TRAF7: variants seen among roughly 807,000 people sequenced by gnomAD.
TRAF7 encodes E3 ubiquitin-protein ligase TRAF7.
Under a neutral mutation model 89.3 loss-of-function variants are expected in TRAF7, and 45 were observed. The observed-to-expected ratio is 0.50, with a 90% CI of 0.40 to 0.65. TRAF7 has a LOEUF of 0.65. Among genes scored for constraint, TRAF7 ranks in the 30% least tolerant of loss-of-function variants. The pLI, the probability that TRAF7 is intolerant of heterozygous loss-of-function variation, is 0.00. For synonymous variants in TRAF7, 406 were observed against 369.2 expected, an observed-to-expected ratio of 1.10 and a Z score of -1.14; for missense variants, 677 against 918.1, an observed-to-expected ratio of 0.74 and a Z score of 3.39.
intron 2 of TRAF7, 152 bp downstream of exon 2, chr16:2,164,153 T>TGA (rs1567247233): frequency 3.6e-6 from 2 of 553,522 alleles, no homozygotes; most frequent in Admixed American, 3.6e-5. Flanking sequence ...TGTGTGTGTG[T>TGA]GTGTGTGCGC....
At chr16:2,172,622 T>TGGGGGGGGGGGGGGGGGGG in intron 9 of TRAF7, 23 bp downstream of exon 9, 2 of 752,232 alleles carry the variant, frequency 2.7e-6, no homozygotes, top group African/African-American at 1.9e-5. Flanking sequence ...CGGGCGGGGG[T>TGGGGGGGGGGGGGGGGGGG]GGGCCGGGGT....
intron 1 of TRAF7, among the ~76,000 whole-genome samples, chr16:2,157,361 A>T (rs1291702520): frequency 2.6e-5 from 4 of 151,766 alleles, no homozygotes; most frequent in African/African-American, 9.7e-5. Flanking sequence ...CCCCAACCTG[A>T]GGGTCTCTGG....
In TRAF7 at chr16:2,168,115, CCCT is replaced by C. The variant is rs746600314; in HGVS notation, c.187_189del (p.Ser64del). 3.0e-5 allele frequency: 48 copies of C among 1,612,240 alleles called. No homozygotes were observed. The highest frequency in any genetic ancestry group is 8.0e-5 in the African/African-American group (6 of 74,898). On this transcript the variant is annotated inframe_deletion, in exon 4 of 21. Transcript: ENST00000326181. This position sits in a 1 kb window ranked among gnomAD's most constrained non-coding sequence, Gnocchi z 4.1. ...CACCTACAAGCAGCACTGCAGGACA[CCCT>C]CCTCCTCCAGCACCCTTGCCTACTC...
At position 2,175,093 on chromosome 16, in the gene TRAF7, T is replaced by C. The variant is rs373341161; in HGVS notation, c.1347-18T>C. The C allele has an allele frequency of 6.2e-7, 1 of 1,613,742 alleles. No individual in the cohort carries two copies. The highest frequency in any genetic ancestry group is 8.5e-7 in the Non-Finnish European group (1 of 1,179,900). On this transcript the variant is annotated intron_variant, in intron 14 of 20. Transcript: ENST00000326181. ...ACACAGCTTCTCCCACCTTGACACA[T>C]TGTCTCTGCTTCCCCAGGTGCAAAC...
intron 2 of TRAF7, among the ~76,000 whole-genome samples, chr16:2,164,767 G>A (rs1318749373): frequency 9.7e-6 from 1 of 103,568 alleles, no homozygotes; most frequent in African/African-American, 4.1e-5. Context: ...TGGCCTGGTC[G>A]CATGGTTAAG....
rs375914676 is a variant in TRAF7 at position 2,173,775 on chromosome 16, C to T, written c.1087-13C>T. Reference sequence around the variant, plus strand: ...CTGCCCACCTGCCCTCTGCCCTGCCCTTGGCCCTGCAGGACGAGCTGTCCC... The same window carrying T: ...CTGCCCACCTGCCCTCTGCCCTGCCTTTGGCCCTGCAGGACGAGCTGTCCC... On this transcript the variant is annotated splice_polypyrimidine_tract_variant and intron_variant, in intron 11 of 20. Coordinates refer to ENST00000326181, the MANE Select transcript of TRAF7 (RefSeq NM_032271.3). 1 of 1,610,360 alleles carries T rather than the reference C, an allele frequency of 6.2e-7. No individual in the cohort carries two copies. Among genetic ancestry groups the T allele is most frequent in the African/African-American group, 1.3e-5 (1 of 74,966 alleles).
intron 4 of TRAF7, among the ~76,000 whole-genome samples, chr16:2,169,644 C>G (rs563963136): frequency 1.3e-5 from 2 of 152,300 alleles, no homozygotes; most frequent in Admixed American, 6.5e-5. Context: ...GTTCCCGTGC[C>G]AGCTCCTGCT....
intron 2 of TRAF7, among the ~76,000 whole-genome samples, chr16:2,165,167 T>C (rs1473699093): frequency 9.7e-5 from 12 of 123,498 alleles, no homozygotes; most frequent in East Asian, 8.0e-4. Context: ...CTGCGTGGCC[T>C]GGCCTGGTCG....
chr16:2,175,222 C>G (rs377190585), intron 15 of TRAF7, 72 bp downstream of exon 15: 1 of 1,612,268 alleles, frequency 6.2e-7, no homozygotes, highest in Admixed American at 1.7e-5. Context: ...GCCCCAGGGA[C>G]GTGTTTCTCC....
chr16:2,173,859 T>TGGCCGCCCCCCCCC, intron 12 of TRAF7, 23 bp downstream of exon 12: 1 of 1,246,254 alleles, frequency 8.0e-7, no homozygotes, highest in Non-Finnish European at 1.1e-6. Context: ...CCGCCGTGGC[T>TGGCCGCCCCCCCCC]CCCGCCCACC....
In TRAF7 at chr16:2,159,785, A is replaced by C. The variant is rs1159574021; in HGVS notation, c.-39+3927A>C. Among the ~76,000 whole-genome samples the C allele has an allele frequency of 1.3e-5, 2 of 152,156 alleles. No homozygotes were observed. The highest frequency in any genetic ancestry group is 3.8e-4 in the East Asian group (2 of 5,196). Reference sequence around the variant, plus strand: ...CCCCACACATGTTCAGGGGACCCCCACACCCCACCTGCTCCGGGTTGCTGG... The same window carrying C: ...CCCCACACATGTTCAGGGGACCCCCCCACCCCACCTGCTCCGGGTTGCTGG... On this transcript the variant is annotated intron_variant, in intron 1 of 20. Transcript: ENST00000326181. This position sits in a 1 kb window ranked among gnomAD's most constrained non-coding sequence, Gnocchi z 6.5.
intron 1 of TRAF7, among the ~76,000 whole-genome samples, 157 bp downstream of exon 1, chr16:2,156,015 G>T (rs1445341955): frequency 6.6e-6 from 1 of 151,294 alleles, no homozygotes; most frequent in Non-Finnish European, 1.5e-5. Flanking sequence ...TCGGGGTCGG[G>T]GTCAGGGTCG....
chr16:2,170,574 C>G (rs186167299), intron 4 of TRAF7, 40 bp from the exon 5 acceptor site: 1 of 1,519,236 alleles, frequency 6.6e-7, no homozygotes, highest in Non-Finnish European at 9.1e-7. Flanking sequence ...GCTCTGACCC[C>G]GTGCGGAGCC....
rs954483137 is a variant in TRAF7 at position 2,177,411 on chromosome 16, G to A, written c.*837G>A. The A allele has an allele frequency of 8.6e-6, 2 of 232,628 alleles. No homozygotes were observed. The highest frequency in any genetic ancestry group is 1.7e-5 in the Non-Finnish European group (2 of 117,690). The allele number at this position is 232,628 out of a possible 1,614,324, so 14.4% of individuals were successfully genotyped here. A position where few individuals can be genotyped will look rare whatever the true frequency, so the allele number is the denominator to read the frequency against. On this transcript the variant is annotated 3_prime_UTR_variant, in exon 21 of 21. Transcript: ENST00000326181. Reference sequence around the variant, plus strand: ...CCCCACACCACAATCGCTGGTTTTCGGCATTTTTTAAATTTTTTTTTTAAG... The same window carrying A: ...CCCCACACCACAATCGCTGGTTTTCAGCATTTTTTAAATTTTTTTTTTAAG...
At chr16:2,164,145 T>C (rs1400334830) in intron 2 of TRAF7, 144 bp downstream of exon 2, 2 of 557,998 alleles carry the variant, frequency 3.6e-6, no homozygotes, top group East Asian at 6.2e-5. Flanking sequence ...GTGTGGTGTG[T>C]GTGTGTGTGT....
intron 1 of TRAF7, among the ~76,000 whole-genome samples, chr16:2,160,575 C>A (rs34651031): frequency 0.23 from 5,520 of 24,226 alleles, 208 homozygotes; most frequent in Admixed American, 0.27. Flanking sequence ...GGTGGGCGGG[C>A]GGTGCTCGGG....
At chr16:2,164,177 C>CGCACGCGTGCGT (rs1567247429) in intron 2 of TRAF7, among the ~76,000 whole-genome samples, 176 bp downstream of exon 2, 1 of 117,724 alleles carries the variant, frequency 8.5e-6, no homozygotes, top group East Asian at 2.3e-4. Flanking sequence ...CGCGCGCGCG[C>CGCACGCGTGCGT]GCGCACGCGT....
At chr16:2,171,488 A>C (rs1230799543) in intron 6 of TRAF7, 84 bp from the exon 7 acceptor site, 3 of 1,595,152 alleles carry the variant, frequency 1.9e-6, no homozygotes, top group Non-Finnish European at 2.6e-6. Flanking sequence ...CTTGGGGTAC[A>C]GCGAGGCCTG....
At chr16:2,170,105 C>T (rs1348483203) in intron 4 of TRAF7, among the ~76,000 whole-genome samples, 1 of 152,202 alleles carries the variant, frequency 6.6e-6, no homozygotes, top group Non-Finnish European at 1.5e-5. Context: ...CCTGGCCCTG[C>T]CTTCCCTCTG....
Sources: allele counts gnomAD v4.1 joint callset (sites outside exome capture counted in the v4.1 genomes callset), GRCh38; gene constraint gnomAD v4.1.1; non-coding constraint Gnocchi (gnomAD v3.1); transcripts MANE v1.5; gene names NCBI Gene and HGNC (gene_info 2026-07-23, HGNC 2026-07-21).